The following THEMIS variants were observed in gnomAD, a reference collection of about 807,000 sequenced individuals.
THEMIS encodes the protein thymocyte selection associated.
A neutral mutation model predicts 52.6 loss-of-function variants in THEMIS; 37 were observed. The ratio of observed to expected loss-of-function variants is 0.70; its 90% CI spans 0.54 to 0.93. THEMIS has a LOEUF of 0.93. Among genes scored for constraint, THEMIS ranks in the 40% least tolerant of loss-of-function variants. The pLI is 0.00. For missense variants in THEMIS, 808 were observed against 763.1 expected, an observed-to-expected ratio of 1.06 and a Z score of -0.69; for synonymous variants, 292 against 272.7, an observed-to-expected ratio of 1.07 and a Z score of -0.70.
chr6:127,796,128 G>A (rs1170180787), intron 4 of THEMIS, among the ~76,000 whole-genome samples: 2 of 152,146 alleles, frequency 1.3e-5, no homozygotes, highest in Non-Finnish European at 2.9e-5. Flanking sequence ...AAGATTAAAA[G>A]TATAGAACTA....
At chr6:127,883,360 C>G (rs1187983062) in intron 1 of THEMIS, among the ~76,000 whole-genome samples, 1 of 151,538 alleles carries the variant, frequency 6.6e-6, no homozygotes, top group Non-Finnish European at 1.5e-5. Flanking sequence ...TATTAATAAT[C>G]TCACAAGAGA....
At chr6:127,807,986 G>C (rs529757747) in intron 4 of THEMIS, among the ~76,000 whole-genome samples, 1 of 152,198 alleles carries the variant, frequency 6.6e-6, no homozygotes, top group South Asian at 2.1e-4. Flanking sequence ...TCTAATTCTG[G>C]TGCAGGATTT....
chr6:127,793,922 G>T (rs1226998263), intron 4 of THEMIS, among the ~76,000 whole-genome samples: 1 of 152,138 alleles, frequency 6.6e-6, no homozygotes, highest in Non-Finnish European at 1.5e-5. Flanking sequence ...TAAAGTTGTT[G>T]TTGGCTTTCC....
At chr6:127,900,186 T>C (rs1308525951) in intron 1 of THEMIS, among the ~76,000 whole-genome samples, 1 of 151,898 alleles carries the variant, frequency 6.6e-6, no homozygotes, top group East Asian at 1.9e-4. Context: ...TATTGGAGGT[T>C]ATAATGTTCT....
chr6:127,882,832 T>C (rs1329405878), intron 1 of THEMIS, among the ~76,000 whole-genome samples: 1 of 151,916 alleles, frequency 6.6e-6, no homozygotes, highest in East Asian at 1.9e-4. Context: ...GCCCTGATTT[T>C]ACTACCACAT....
At chr6:127,703,209 G>A (rs759019579), downstream of THEMIS, among the ~76,000 whole-genome samples, 173 of 151,190 alleles carry the variant, frequency 1.1e-3, 3 homozygotes, top group Middle Eastern at 0.017. Context: ...CACTACGCCC[G>A]GCTAATTTTT....
chr6:127,772,244 CA>C (rs1776411723), intron 4 of THEMIS, among the ~76,000 whole-genome samples: 1 of 151,684 alleles, frequency 6.6e-6, no homozygotes, highest in African/African-American at 2.4e-5. Context: ...ATTGCTAGGT[CA>C]AAAAGTACAC....
At chr6:127,898,009 T>C (rs1463448990) in intron 1 of THEMIS, among the ~76,000 whole-genome samples, 1 of 151,664 alleles carries the variant, frequency 6.6e-6, no homozygotes, top group Non-Finnish European at 1.5e-5. Context: ...TAAACAGATA[T>C]ACCAACCAGA....
chr6:127,862,397 C>T (rs914723104), intron 1 of THEMIS, among the ~76,000 whole-genome samples: 16 of 140,204 alleles, frequency 1.1e-4, no homozygotes, highest in African/African-American at 3.8e-4. Context: ...AGTTCCAAAG[C>T]CATAAGCAGG....
downstream of THEMIS, among the ~76,000 whole-genome samples, chr6:127,706,173 A>G (rs1266042779): frequency 6.6e-6 from 1 of 151,976 alleles, no homozygotes; most frequent in African/African-American, 2.4e-5. Context: ...TCCAAAACTA[A>G]AAAACCTTGA....
rs1290953177 is a variant in THEMIS at position 127,856,552 on chromosome 6, G to C, written c.92-1364C>G. Among the ~76,000 whole-genome samples, 3 of 151,944 alleles carry C rather than the reference G, an allele frequency of 2.0e-5. No homozygotes were observed. The East Asian group carries it at 5.8e-4, about 29-fold the overall frequency. On this transcript the variant is annotated intron_variant, in intron 1 of 5. Coordinates refer to ENST00000368248, the MANE Select transcript of THEMIS (RefSeq NM_001010923.3). ...CCCACAGAAGTCAGCTTCCCAGGCAGAGTGGGTATGAAAATCCAGCACACC... is the reference window on the plus strand; with the variant it reads ...CCCACAGAAGTCAGCTTCCCAGGCACAGTGGGTATGAAAATCCAGCACACC...
chr6:127,717,088 T>A (rs1211762697), intron 5 of THEMIS, among the ~76,000 whole-genome samples: 1 of 151,874 alleles, frequency 6.6e-6, no homozygotes, highest in Non-Finnish European at 1.5e-5. Flanking sequence ...GAAAACAAAG[T>A]TTTCCTTAGC....
intron 2 of THEMIS, among the ~76,000 whole-genome samples, chr6:127,848,515 G>A (rs1370151587): frequency 6.6e-6 from 1 of 151,954 alleles, no homozygotes; most frequent in African/African-American, 2.4e-5. Flanking sequence ...CTTCCACAAT[G>A]GTTGAACTAG....
intron 1 of THEMIS, among the ~76,000 whole-genome samples, chr6:127,907,839 T>C (rs1367814889): frequency 6.6e-6 from 1 of 151,868 alleles, no homozygotes; most frequent in African/African-American, 2.4e-5. Context: ...TCTTTTTATT[T>C]TATTTTATTT....
intron 2 of THEMIS, among the ~76,000 whole-genome samples, chr6:127,846,753 A>C (rs1312655506): frequency 1.3e-5 from 2 of 151,894 alleles, no homozygotes; most frequent in Non-Finnish European, 2.9e-5. Flanking sequence ...ATTCCAAAAA[A>C]ATAGAGAAAC....
intron 4 of THEMIS, among the ~76,000 whole-genome samples, chr6:127,804,950 TA>T (rs202097404): frequency 0.011 from 1,652 of 152,022 alleles, 18 homozygotes; most frequent in Non-Finnish European, 0.017. Flanking sequence ...TCAGTTACAC[TA>T]AAAAAAACAA....
chr6:127,703,149 G>A (rs928394762), downstream of THEMIS, among the ~76,000 whole-genome samples: 12 of 137,836 alleles, frequency 8.7e-5, no homozygotes, highest in Non-Finnish European at 1.8e-4. Flanking sequence ...CCGGGTTCAC[G>A]CCATTCTCCT....
chr6:127,791,497 C>T (rs965472229), intron 4 of THEMIS, among the ~76,000 whole-genome samples: 8 of 152,154 alleles, frequency 5.3e-5, no homozygotes, highest in African/African-American at 1.4e-4. Flanking sequence ...CTGATCGGCC[C>T]GTGAGCAGTC....
intron 4 of THEMIS, among the ~76,000 whole-genome samples, chr6:127,734,157 C>T (rs1774906000): frequency 1.3e-5 from 2 of 152,046 alleles, no homozygotes; most frequent in South Asian, 4.1e-4. Context: ...AAAAGATCAA[C>T]AATTGCAACA....
Sources: gnomAD v4.1 joint callset for allele counts (sites outside exome capture counted in the v4.1 genomes callset) on GRCh38, gnomAD v4.1.1 for gene constraint, MANE v1.5 for transcripts, NCBI Gene and HGNC (gene_info 2026-07-23, HGNC 2026-07-21) for gene names.